NPAS3: variants seen among roughly 807,000 people sequenced by gnomAD.
NPAS3 encodes the protein neuronal PAS domain-containing protein 3.
In NPAS3, 14 loss-of-function variants were observed where a neutral mutation model predicts 73.1. The ratio of observed to expected loss-of-function variants is 0.19; its 90% CI spans 0.13 to 0.30. NPAS3 has a LOEUF of 0.30. Among genes scored for constraint, NPAS3 ranks in the 10% least tolerant of loss-of-function variants. NPAS3 has a pLI of 1.00. For synonymous variants in NPAS3, 620 were observed against 541.5 expected (o/e 1.14, Z -2.01); for missense variants, 1,096 against 1,250.0 (o/e 0.88, Z 1.86).
At chr14:33,232,953 A>T (rs562144141) in intron 3 of NPAS3, among the ~76,000 whole-genome samples, 72 of 152,296 alleles carry the variant, frequency 4.7e-4, no homozygotes, top group African/African-American at 1.7e-3. Context: ...TGCCCATTGC[A>T]TTGTAGGCCA....
At chr14:33,705,477 A>C (rs890396674) in intron 6 of NPAS3, among the ~76,000 whole-genome samples, 1 of 152,238 alleles carries the variant, frequency 6.6e-6, no homozygotes, top group African/African-American at 2.4e-5. Flanking sequence ...CGCATTACCA[A>C]GAGGGAGGCG....
chr14:33,070,304 T>C (rs1438084802), intron 2 of NPAS3, among the ~76,000 whole-genome samples: 2 of 152,178 alleles, frequency 1.3e-5, no homozygotes, highest in East Asian at 3.9e-4. Flanking sequence ...GTAGTTGTTG[T>C]TTTTTTCATC....
intron 9 of NPAS3, among the ~76,000 whole-genome samples, chr14:33,785,468 A>G (rs1419328697): frequency 6.6e-6 from 1 of 151,210 alleles, no homozygotes; most frequent in Non-Finnish European, 1.5e-5. Flanking sequence ...AATACTTCTG[A>G]GTCATCCATT....
intron 7 of NPAS3, among the ~76,000 whole-genome samples, chr14:33,752,617 A>G (rs1425818081): frequency 6.6e-6 from 1 of 152,208 alleles, no homozygotes; most frequent in Non-Finnish European, 1.5e-5. Context: ...GCATTCATAA[A>G]TTTTGATACG....
chr14:33,037,972 T>A (rs2040225899), intron 1 of NPAS3, among the ~76,000 whole-genome samples: 2 of 152,238 alleles, frequency 1.3e-5, no homozygotes, highest in South Asian at 4.1e-4. Context: ...AGAAGCACCA[T>A]GTCACTTGAT....
At chr14:32,992,279 A>G (rs76575617) in intron 1 of NPAS3, among the ~76,000 whole-genome samples, 5,567 of 152,262 alleles carry the variant, frequency 0.037, 119 homozygotes, top group Middle Eastern at 0.086. Flanking sequence ...GTTTTCTACC[A>G]TATTATTTCT....
chr14:33,355,432 C>G (rs1180280133), intron 3 of NPAS3, among the ~76,000 whole-genome samples: 2 of 152,118 alleles, frequency 1.3e-5, no homozygotes, highest in East Asian at 1.9e-4. Flanking sequence ...TCCCAAGTAG[C>G]CGGGACTACA....
chr14:33,562,571 G>A (rs1233870251), intron 5 of NPAS3, among the ~76,000 whole-genome samples: 1 of 152,142 alleles, frequency 6.6e-6, no homozygotes, highest in Non-Finnish European at 1.5e-5. Flanking sequence ...ACCAATTTAT[G>A]TATTTAAAAG....
At chr14:32,980,193 A>G (rs904234710) in intron 1 of NPAS3, among the ~76,000 whole-genome samples, 4 of 152,196 alleles carry the variant, frequency 2.6e-5, no homozygotes, top group African/African-American at 9.6e-5. Context: ...TCCCAGACAG[A>G]TCTTTCCTTC....
chr14:33,703,096 G>A (rs1435696064), intron 6 of NPAS3, among the ~76,000 whole-genome samples: 2 of 152,134 alleles, frequency 1.3e-5, no homozygotes, highest in African/African-American at 4.8e-5. Context: ...TGGGGTGGGG[G>A]AAGAGGATTG....
chr14:33,079,860 C>G (rs888126655), intron 2 of NPAS3, among the ~76,000 whole-genome samples: 5 of 151,848 alleles, frequency 3.3e-5, no homozygotes, highest in Non-Finnish European at 7.4e-5. Context: ...GATCTGCCCC[C>G]CTCAGCCTCC....
chr14:33,366,323 C>A (rs11622430), intron 3 of NPAS3, among the ~76,000 whole-genome samples: 5 of 149,724 alleles, frequency 3.3e-5, no homozygotes, highest in South Asian at 2.1e-4. Context: ...TGGAACCCCA[C>A]GTAAAAAAAA....
chr14:33,132,350 C>T (rs1570874), intron 2 of NPAS3, among the ~76,000 whole-genome samples: 1 of 152,154 alleles, frequency 6.6e-6, no homozygotes, highest in South Asian at 2.1e-4. Context: ...TGAGGCAGAG[C>T]GAAGGGAATG....
chr14:33,764,721 G>A (rs1001100091), intron 7 of NPAS3, among the ~76,000 whole-genome samples: 1 of 152,218 alleles, frequency 6.6e-6, no homozygotes, highest in East Asian at 1.9e-4. Context: ...GCGACACCCC[G>A]CTCCTTTACA....
chr14:33,683,984 GAA>G (rs1012876886), intron 6 of NPAS3, among the ~76,000 whole-genome samples: 2 of 152,126 alleles, frequency 1.3e-5, no homozygotes, highest in South Asian at 4.1e-4. Context: ...ACAGCTGGAG[GAA>G]AAAGTGATGG....
At chr14:32,973,027 A>G (rs1446386800) in intron 1 of NPAS3, among the ~76,000 whole-genome samples, 4 of 152,184 alleles carry the variant, frequency 2.6e-5, no homozygotes, top group African/African-American at 7.2e-5. Context: ...CTTCTTTCTT[A>G]TATCTGAGGT....
At position 33,800,473 on chromosome 14, in the gene NPAS3, C is replaced by A; in HGVS notation, c.2166C>A (p.Asp722Glu). ...CGGTCCTCACCCCGCCCGGCGCCGA[C>A]GGCGCGGCCGCCCGCAAGACTCAGT... The change falls in exon 12 of 12, where the codon GAC becomes GAA. Residue 722 changes from aspartate to glutamate, a missense_variant. By Grantham distance (45) the Asp-to-Glu change is conservative (BLOSUM62 2). Transcript: ENST00000356141. The surrounding 1 kb of genome is among the most constrained non-coding windows in gnomAD (Gnocchi z 6.5). The A allele has an allele frequency of 6.7e-7, 1 of 1,486,224 alleles. No homozygotes were observed. Among genetic ancestry groups the A allele is most frequent in the Non-Finnish European group, 8.9e-7 (1 of 1,124,498 alleles). 92.1% of individuals were successfully genotyped at this position (1,486,224 alleles called of 1,614,324 possible).
At chr14:32,951,170 A>G (rs1262894542) in intron 1 of NPAS3, among the ~76,000 whole-genome samples, 3 of 152,062 alleles carry the variant, frequency 2.0e-5, no homozygotes, top group South Asian at 2.1e-4. Context: ...TTAACCTTTC[A>G]GAGCCTCAGT....
intron 2 of NPAS3, among the ~76,000 whole-genome samples, chr14:33,119,481 T>G (rs1333823739): frequency 6.6e-6 from 1 of 152,142 alleles, no homozygotes; most frequent in African/African-American, 2.4e-5. Context: ...TTTCTCCAGC[T>G]CAGGGCTAGG....
Sources: allele counts gnomAD v4.1 joint callset (sites outside exome capture counted in the v4.1 genomes callset), GRCh38; gene constraint gnomAD v4.1.1; non-coding constraint Gnocchi (gnomAD v3.1); transcripts MANE v1.5; gene names NCBI Gene and HGNC (gene_info 2026-07-23, HGNC 2026-07-21).